COL8A1: variants seen among roughly 807,000 people sequenced by gnomAD.
COL8A1 encodes the protein collagen type VIII alpha 1 chain.
A neutral mutation model predicts 42.7 loss-of-function variants in COL8A1; 21 were observed. The ratio of observed to expected loss-of-function variants is 0.49; its 90% CI spans 0.35 to 0.71. The LOEUF (loss-of-function observed/expected upper bound fraction) is 0.71, where lower values mean the gene tolerates loss of function less well. Among genes scored for constraint, COL8A1 ranks in the 30% least tolerant of loss-of-function variants. The probability of loss-of-function intolerance (pLI) is 0.01; values close to 1 mark genes in which losing one functional copy is unlikely to be tolerated. For synonymous variants in COL8A1, 367 were observed against 369.1 expected, an observed-to-expected ratio of 0.99 and a Z score of 0.06; for missense variants, 788 against 962.4, an observed-to-expected ratio of 0.82 and a Z score of 2.40.
rs529431798 is a variant in COL8A1 at position 99,680,542 on chromosome 3, C to G, written c.-129+41878C>G. On this transcript the variant is annotated intron_variant, in intron 1 of 3. Transcript: ENST00000652472. ...GGGATGGCTGGGTCAAATGGTATTT[C>G]TAGTTCTAGATCCTTGAGGAATCGC... 4 of 152,258 alleles carry G rather than the reference C, an allele frequency of 2.6e-5. No homozygotes were observed. In the South Asian group the frequency reaches 8.3e-4, roughly 32 times the overall value. 9.4% of individuals were successfully genotyped at this position (152,258 alleles called of 1,614,324 possible). A position where few individuals can be genotyped will look rare whatever the true frequency, so the allele number is the denominator to read the frequency against.
intron 1 of COL8A1, among the ~76,000 whole-genome samples, chr3:99,695,920 G>A (rs1013210278): frequency 1.3e-5 from 2 of 152,174 alleles, no homozygotes; most frequent in Non-Finnish European, 2.9e-5. Context: ...GATCACTAGA[G>A]GTCAGGAGTT....
intron 2 of COL8A1, among the ~76,000 whole-genome samples, chr3:99,747,572 A>G (rs1941054018): frequency 6.6e-6 from 1 of 152,246 alleles, no homozygotes. Flanking sequence ...GGAAATAAAT[A>G]GAGTGGGGAA....
At chr3:99,683,820 A>G (rs1410780785) in intron 1 of COL8A1, among the ~76,000 whole-genome samples, 3 of 152,190 alleles carry the variant, frequency 2.0e-5, no homozygotes, top group Non-Finnish European at 4.4e-5. Flanking sequence ...GTCATATTGC[A>G]AACATTCTGT....
chr3:99,749,711 A>T (rs1941100770), intron 2 of COL8A1, among the ~76,000 whole-genome samples: 2 of 152,206 alleles, frequency 1.3e-5, no homozygotes, highest in South Asian at 4.1e-4. Context: ...TGTAAAAAAA[A>T]ATTAAAAAAT....
At chr3:99,689,665 A>T (rs141307853) in intron 1 of COL8A1, among the ~76,000 whole-genome samples, 130 of 152,358 alleles carry the variant, frequency 8.5e-4, no homozygotes, top group African/African-American at 3.0e-3. Flanking sequence ...ACATTAAATT[A>T]AATATATGGC....
chr3:99,659,322 C>A (rs941521427), intron 1 of COL8A1, among the ~76,000 whole-genome samples: 4 of 152,228 alleles, frequency 2.6e-5, no homozygotes, highest in African/African-American at 9.6e-5. Flanking sequence ...TCCCACTTAA[C>A]TTCTCACGGC....
chr3:99,657,904 C>T (rs1253186931), intron 1 of COL8A1, among the ~76,000 whole-genome samples: 2 of 151,992 alleles, frequency 1.3e-5, no homozygotes, highest in Admixed American at 6.6e-5. Flanking sequence ...CCAAGGCAGG[C>T]GGATCACAAG....
At chr3:99,735,309 T>G (rs1307674558) in intron 1 of COL8A1, among the ~76,000 whole-genome samples, 1 of 100,208 alleles carries the variant, frequency 1.0e-5, no homozygotes, top group African/African-American at 4.5e-5. Context: ...GCTCTTATTA[T>G]TTTGAAATAC....
At chr3:99,783,958 G>T (rs2107449916) in intron 2 of COL8A1, among the ~76,000 whole-genome samples, 1 of 152,286 alleles carries the variant, frequency 6.6e-6, no homozygotes, top group East Asian at 1.9e-4. Context: ...TATTTACCTT[G>T]CCAGTGGCTT....
In COL8A1 at chr3:99,795,392, AG is replaced by A; in HGVS notation, c.1493del (p.Gly498ValfsTer35). 1 of 1,559,098 alleles carries A rather than the reference AG, an allele frequency of 6.4e-7. No individual in the cohort carries two copies. The highest frequency in any genetic ancestry group is 8.7e-7 in the Non-Finnish European group (1 of 1,150,734). On this transcript the variant is annotated frameshift_variant, in exon 4 of 4. Coordinates refer to ENST00000652472, the MANE Select transcript of COL8A1 (RefSeq NM_020351.4). LOFTEE classifies it high-confidence loss of function. The part of the protein sequence containing the change: ...PGDQGLQGPP[G>X]IPGIGGPSGP... ...GGGATCAGGGTTTACAGGGCCCCCC[AG>A]GTATCCCAGGGATTGGGGGCCCTAG... is the stretch of plus-strand genomic sequence containing the variant.
chr3:99,645,545 C>A (rs1447553424), intron 1 of COL8A1, among the ~76,000 whole-genome samples: 2 of 152,100 alleles, frequency 1.3e-5, no homozygotes, highest in African/African-American at 4.8e-5. Context: ...TAGAGGGAGC[C>A]AGGGGCTGGG....
intron 1 of COL8A1, among the ~76,000 whole-genome samples, chr3:99,722,523 G>A (rs948826606): frequency 2.6e-5 from 4 of 152,076 alleles, no homozygotes; most frequent in Non-Finnish European, 4.4e-5. Context: ...AGAAGTTCTC[G>A]CTTGAGAAAT....
chr3:99,760,210 G>C (rs1016107626), intron 2 of COL8A1, among the ~76,000 whole-genome samples: 16 of 152,076 alleles, frequency 1.1e-4, no homozygotes, highest in African/African-American at 2.9e-4. Context: ...GGCCAGACCT[G>C]GGTTGGCTTC....
rs1942106425 is a variant in COL8A1, at chr3:99,796,217, TA to T, written c.*83del. On this transcript the variant is annotated 3_prime_UTR_variant, in exon 4 of 4. Transcript: ENST00000652472. ...CACCAAAAAATCCAAATGAAAAACATAATTGCTTCAAAACACTTACACAGTT... is the reference window on the plus strand; with the variant it reads ...CACCAAAAAATCCAAATGAAAAACATATTGCTTCAAAACACTTACACAGTT... The T allele has an allele frequency of 9.4e-6, 11 of 1,170,192 alleles. No individual in the cohort carries two copies. In the Admixed American group the frequency reaches 1.8e-4, roughly 19 times the overall value. 72.5% of individuals were successfully genotyped at this position (1,170,192 alleles called of 1,614,324 possible). A position where few individuals can be genotyped will look rare whatever the true frequency, so the allele number is the denominator to read the frequency against.
rs190270785 is a variant in COL8A1 at position 99,725,423 on chromosome 3, A to T, written c.-128-19474A>T. On this transcript the variant is annotated intron_variant, in intron 1 of 3. Transcript: ENST00000652472. ...CCTGCTCATCTTTTTTTTTAATTTT[A>T]TTATTATATACTTTAAGTTTTAGGG... Among the ~76,000 whole-genome samples, 473 of 151,524 alleles carry T rather than the reference A, an allele frequency of 3.1e-3. 1 individual carries two copies. The highest frequency in any genetic ancestry group is 5.1e-3 in the Non-Finnish European group (346 of 67,832).
At chr3:99,641,244 G>A (rs757549771) in intron 1 of COL8A1, among the ~76,000 whole-genome samples, 49 of 152,122 alleles carry the variant, frequency 3.2e-4, no homozygotes, top group Non-Finnish European at 5.3e-4. Flanking sequence ...GTTACGAAAC[G>A]CAACTTCTCC....
chr3:99,711,258 A>G (rs1465249593), intron 1 of COL8A1, among the ~76,000 whole-genome samples: 2 of 152,172 alleles, frequency 1.3e-5, no homozygotes, highest in Non-Finnish European at 2.9e-5. Flanking sequence ...ACAACAAACA[A>G]GAGAAAGCCC....
intron 2 of COL8A1, among the ~76,000 whole-genome samples, chr3:99,790,206 G>C (rs116809027): frequency 8.7e-4 from 133 of 152,316 alleles, no homozygotes; most frequent in African/African-American, 3.0e-3. Flanking sequence ...TGTGTGGTCT[G>C]TTTCCAGTAA....
At chr3:99,746,575 G>T (rs1223831289) in intron 2 of COL8A1, among the ~76,000 whole-genome samples, 1 of 152,132 alleles carries the variant, frequency 6.6e-6, no homozygotes, top group African/African-American at 2.4e-5. Context: ...TGCAGAAGGT[G>T]GTTATTAAAG....
Sources: gnomAD v4.1 joint callset for allele counts (sites outside exome capture counted in the v4.1 genomes callset) on GRCh38, gnomAD v4.1.1 for gene constraint, MANE v1.5 for transcripts, NCBI Gene and HGNC (gene_info 2026-07-23, HGNC 2026-07-21) for gene names.